PSMC2: variants seen among roughly 807,000 people sequenced by gnomAD.
PSMC2 encodes proteasome 26S subunit, ATPase 2.
In PSMC2, 7 loss-of-function variants were observed where a neutral mutation model predicts 53.3. That is an observed-to-expected ratio of 0.13 (90% CI 0.07 to 0.25). The LOEUF (loss-of-function observed/expected upper bound fraction) is 0.25, where lower values mean the gene tolerates loss of function less well. Among genes scored for constraint, PSMC2 ranks in the 10% least tolerant of loss-of-function variants. The probability of loss-of-function intolerance (pLI) is 1.00; values close to 1 mark genes in which losing one functional copy is unlikely to be tolerated. For synonymous variants in PSMC2, 169 were observed against 183.9 expected (o/e 0.92, Z 0.66); for missense variants, 241 against 544.0 (o/e 0.44, Z 5.54).
intron 5 of PSMC2, 103 bp from the exon 6 acceptor site, chr7:103,362,583 C>T (rs998922521): frequency 1.4e-6 from 2 of 1,440,598 alleles, no homozygotes; most frequent in Non-Finnish European, 1.9e-6. Context: ...CTCTGTCTCT[C>T]TCTTGTTTTC....
At chr7:103,362,445 T>A (rs1820465420) in intron 5 of PSMC2, 12 of 1,356,718 alleles carry the variant, frequency 8.8e-6, no homozygotes, top group African/African-American at 1.5e-5. Context: ...CTTAGTAAAT[T>A]AAAAAAAAAT....
intron 8 of PSMC2, among the ~76,000 whole-genome samples, chr7:103,364,981 A>ATATATATATATATATATATTTATT: frequency 7.1e-6 from 1 of 140,808 alleles, no homozygotes; most frequent in African/African-American, 2.6e-5. Flanking sequence ...ATATATATAT[A>ATATATATATATATATATATTTATT]TATTTAGAGA....
intron 4 of PSMC2, among the ~76,000 whole-genome samples, chr7:103,361,702 A>G (rs1047456648): frequency 6.6e-6 from 1 of 152,172 alleles, no homozygotes; most frequent in Admixed American, 6.5e-5. Context: ...ATGGAAATCA[A>G]GAAATCAGAG....
chr7:103,364,573 C>T (rs1820591126), intron 8 of PSMC2, among the ~76,000 whole-genome samples: 1 of 152,098 alleles, frequency 6.6e-6, no homozygotes, highest in African/African-American at 2.4e-5. Context: ...CCACACCCAG[C>T]TAATTTTTCT....
chr7:103,365,240 C>T (rs1820649170), intron 8 of PSMC2, among the ~76,000 whole-genome samples: 1 of 152,014 alleles, frequency 6.6e-6, no homozygotes, highest in South Asian at 2.1e-4. Flanking sequence ...AAACCTATTG[C>T]TATTTAATAG....
chr7:103,354,513 C>A (rs372152575), intron 2 of PSMC2, among the ~76,000 whole-genome samples: 157 of 151,942 alleles, frequency 1.0e-3, no homozygotes, highest in African/African-American at 3.6e-3. Flanking sequence ...GGATTATGAG[C>A]GCCCACCACC....
chr7:103,367,326 G>T lies in PSMC2; in HGVS notation c.845-87G>T. On this transcript the variant is annotated intron_variant, in intron 9 of 11. Coordinates refer to ENST00000292644, the MANE Select transcript of PSMC2 (RefSeq NM_002803.4). The surrounding 1 kb of genome is among the most constrained non-coding windows in gnomAD (Gnocchi z 6.1). Reference sequence around the variant, plus strand: ...TCACTTGTGCCTGAGGACATGATTTGAGCTGAGATTTTTGGTACTTTCAGG... The same window carrying T: ...TCACTTGTGCCTGAGGACATGATTTTAGCTGAGATTTTTGGTACTTTCAGG... The T allele has an allele frequency of 5.5e-6, 7 of 1,276,426 alleles. No homozygotes were observed. Among genetic ancestry groups the T allele is most frequent in the Non-Finnish European group, 7.9e-6 (7 of 887,370 alleles). The allele number at this position is 1,276,426 out of a possible 1,614,324, so 79.1% of individuals were successfully genotyped here.
At chr7:103,350,087 C>T (rs1479440266) in intron 1 of PSMC2, among the ~76,000 whole-genome samples, 1 of 152,190 alleles carries the variant, frequency 6.6e-6, no homozygotes, top group African/African-American at 2.4e-5. Context: ...GACTTTGTTT[C>T]TTCAGTCACT....
intron 1 of PSMC2, among the ~76,000 whole-genome samples, chr7:103,353,224 C>G (rs1362107196): frequency 6.6e-6 from 1 of 151,644 alleles, no homozygotes; most frequent in African/African-American, 2.4e-5. Flanking sequence ...TTTTTTAAAC[C>G]TACCTGATTC....
intron 1 of PSMC2, among the ~76,000 whole-genome samples, chr7:103,351,963 TC>T (rs1292767143): frequency 6.6e-6 from 1 of 151,972 alleles, no homozygotes. Context: ...TCTTATGACT[TC>T]CGAGTGGCCT....
rs1323471268 is a variant in PSMC2 at position 103,361,937 on chromosome 7, C to T, written c.291-20C>T. The T allele has an allele frequency of 6.3e-7, 1 of 1,591,224 alleles. No homozygotes were observed. Among genetic ancestry groups the T allele is most frequent in the South Asian group, 1.1e-5 (1 of 87,644 alleles). On this transcript the variant is annotated intron_variant, in intron 4 of 11. Transcript: ENST00000292644. ...AGTGGCTTAGGTTCCTTATTCTAAT[C>T]AAGCTTTTTGCTGTGTTAGGTGTAC...
chr7:103,354,862 A>G lies in PSMC2; in HGVS notation c.109-6A>G. The G allele has an allele frequency of 1.3e-6, 2 of 1,593,842 alleles. No individual in the cohort carries two copies. Among genetic ancestry groups the G allele is most frequent in the Non-Finnish European group, 1.7e-6 (2 of 1,165,068 alleles). On this transcript the variant is annotated splice_region_variant and splice_polypyrimidine_tract_variant and intron_variant, in intron 2 of 11. Coordinates refer to ENST00000292644, the MANE Select transcript of PSMC2 (RefSeq NM_002803.4). ...TATTCTAACTAAACTGACCTTCATCACCTAGGGTCAGAGCACTTACTCTAG... is the reference window on the plus strand; with the variant it reads ...TATTCTAACTAAACTGACCTTCATCGCCTAGGGTCAGAGCACTTACTCTAG...
intron 1 of PSMC2, among the ~76,000 whole-genome samples, chr7:103,349,188 C>T (rs1456066265): frequency 6.6e-6 from 1 of 152,194 alleles, no homozygotes; most frequent in African/African-American, 2.4e-5. Flanking sequence ...TCTCCATTTA[C>T]ACTGTCCCCC....
Position 103,367,632 on chromosome 7 carries a change from A to C in PSMC2, c.1047+17A>C. 1 of 1,611,272 alleles carries C rather than the reference A, an allele frequency of 6.2e-7. No homozygotes were observed. Among genetic ancestry groups the C allele is most frequent in the Non-Finnish European group, 8.5e-7 (1 of 1,178,738 alleles). On this transcript the variant is annotated intron_variant, in intron 10 of 11. Coordinates refer to ENST00000292644, the MANE Select transcript of PSMC2 (RefSeq NM_002803.4). This position sits in a 1 kb window ranked among gnomAD's most constrained non-coding sequence, Gnocchi z 6.1. ...GATCTAGAGGTAAGAAAACCATTTC[A>C]TTTTAGGAAAGGGATTTTTGAAGTT...
chr7:103,354,162 G>A (rs1303615106), intron 2 of PSMC2, among the ~76,000 whole-genome samples: 1 of 152,026 alleles, frequency 6.6e-6, no homozygotes, highest in African/African-American at 2.4e-5. Flanking sequence ...CCTACCTAAA[G>A]TTTATAGAAT....
chr7:103,354,697 T>C (rs1819932915), intron 2 of PSMC2, among the ~76,000 whole-genome samples, 171 bp from the exon 3 acceptor site: 1 of 152,160 alleles, frequency 6.6e-6, no homozygotes, highest in South Asian at 2.1e-4. Flanking sequence ...TCTTGCATAA[T>C]AGTGGATTGT....
chr7:103,347,701 G>C lies in PSMC2; in HGVS notation c.-11G>C, dbSNP rs1162448763. 4 of 1,613,756 alleles carry C rather than the reference G, an allele frequency of 2.5e-6. No individual in the cohort carries two copies. The highest frequency in any genetic ancestry group is 3.4e-6 in the Non-Finnish European group (4 of 1,179,860). ...AATCATTAAGGAGCGGAGGCTTTTGGAGCTGCTAAAATGCCGGATTACCTC... is the reference window on the plus strand; with the variant it reads ...AATCATTAAGGAGCGGAGGCTTTTGCAGCTGCTAAAATGCCGGATTACCTC... On this transcript the variant is annotated 5_prime_UTR_variant, in exon 1 of 12. Coordinates refer to ENST00000292644, the MANE Select transcript of PSMC2 (RefSeq NM_002803.4).
chr7:103,362,830 C>G, intron 6 of PSMC2, 72 bp downstream of exon 6: 2 of 1,150,576 alleles, frequency 1.7e-6, no homozygotes, highest in Admixed American at 2.1e-5. Context: ...GAGTTTCACT[C>G]TTGTCCAGGC....
At chr7:103,361,509 T>G (rs1586162411) in intron 4 of PSMC2, among the ~76,000 whole-genome samples, 1 of 33,320 alleles carries the variant, frequency 3.0e-5, no homozygotes, top group Non-Finnish European at 4.8e-5. Context: ...AAACTCCATC[T>G]CAAAAAAAAA....
Sources: gnomAD v4.1 joint callset for allele counts (sites outside exome capture counted in the v4.1 genomes callset) on GRCh38, gnomAD v4.1.1 for gene constraint, Gnocchi (gnomAD v3.1) non-coding constraint, MANE v1.5 for transcripts, NCBI Gene and HGNC (gene_info 2026-07-23, HGNC 2026-07-21) for gene names.